Variants in SDF2 observed in about 807,000 individuals in gnomAD.
SDF2 encodes stromal cell-derived factor 2.
In SDF2, 12 loss-of-function variants were observed where a neutral mutation model predicts 20.5. That is an observed-to-expected ratio of 0.58 (90% confidence interval 0.37 to 0.95). SDF2 has a LOEUF of 0.95. Ranked by LOEUF, SDF2 falls within the 40% of genes least tolerant of loss-of-function variation. The probability of loss-of-function intolerance (pLI) is 0.01; values close to 1 mark genes in which losing one functional copy is unlikely to be tolerated. For missense variants in SDF2, 238 were observed against 263.1 expected (o/e 0.90, Z 0.66); for synonymous variants, 100 against 101.0 (o/e 0.99, Z 0.06).
rs930469179 is a variant in SDF2 at position 28,648,418 on chromosome 17, A to G, written c.*571T>C. On this transcript the variant is annotated 3_prime_UTR_variant, in exon 3 of 3. Coordinates refer to ENST00000247020, the MANE Select transcript of SDF2 (RefSeq NM_006923.4). The stretch of plus-strand genomic sequence containing the variant: ...GCTATAATTAGTCAAAGATCTATTA[A>G]AGATGAGATGCCTGGAGAGAAGTCA... 6.5e-6 allele frequency: 1 copy of G among 153,774 alleles called. No individual in the cohort carries two copies. Among genetic ancestry groups the G allele is most frequent in the African/African-American group, 2.4e-5 (1 of 41,454 alleles). 9.5% of individuals were successfully genotyped at this position (153,774 alleles called of 1,614,324 possible). A position where few individuals can be genotyped will look rare whatever the true frequency, so the allele number is the denominator to read the frequency against.
intron 2 of SDF2, among the ~76,000 whole-genome samples, 175 bp downstream of exon 2, chr17:28,655,112 G>C (rs1056410457): frequency 6.6e-6 from 1 of 152,246 alleles, no homozygotes; most frequent in Non-Finnish European, 1.5e-5. Context: ...CTGGGTGACA[G>C]AGTGAGACTG....
chr17:28,651,011 T>C (rs2071910631), intron 2 of SDF2, among the ~76,000 whole-genome samples: 1 of 151,814 alleles, frequency 6.6e-6, no homozygotes, highest in South Asian at 2.1e-4. Flanking sequence ...CTTAAACGAT[T>C]CTCCCCACTT....
At chr17:28,654,996 G>A (rs990265886) in intron 2 of SDF2, among the ~76,000 whole-genome samples, 1 of 151,952 alleles carries the variant, frequency 6.6e-6, no homozygotes, top group Non-Finnish European at 1.5e-5. Context: ...CAGGCATGGT[G>A]GCATGCGCCT....
intron 1 of SDF2, chr17:28,661,295 T>C: frequency 2.3e-5 from 9 of 386,010 alleles, no homozygotes; most frequent in South Asian, 1.7e-4. Context: ...TTACTGTAAC[T>C]TTAAAATTTC....
Position 28,648,918 on chromosome 17 carries a change from G to T in SDF2, c.*71C>A. The stretch of plus-strand genomic sequence containing the variant: ...CCACTGCCCAAGGAACTTGTGGCAG[G>T]GATCCCAAGGTGAGGCAGCAACAGA... On this transcript the variant is annotated 3_prime_UTR_variant, in exon 3 of 3. Transcript: ENST00000247020. The T allele has an allele frequency of 1.3e-6, 2 of 1,506,182 alleles. No homozygotes were observed. Among genetic ancestry groups the T allele is most frequent in the Non-Finnish European group, 1.8e-6 (2 of 1,097,716 alleles). The allele number at this position is 1,506,182 out of a possible 1,614,324, so 93.3% of individuals were successfully genotyped here.
chr17:28,648,750 G>A lies in SDF2; in HGVS notation c.*239C>T. 1.8e-6 allele frequency: 1 copy of A among 567,878 alleles called. No homozygotes were observed. Among genetic ancestry groups the A allele is most frequent in the Non-Finnish European group, 3.1e-6 (1 of 317,990 alleles). The allele number at this position is 567,878 out of a possible 1,614,324, so 35.2% of individuals were successfully genotyped here. The stretch of plus-strand genomic sequence containing the variant: ...TTATCAGTACTAATAAAAAGCATCT[G>A]CCCCTTTACCAGCAAGTCCTCTACT... On this transcript the variant is annotated 3_prime_UTR_variant, in exon 3 of 3. Coordinates refer to ENST00000247020, the MANE Select transcript of SDF2 (RefSeq NM_006923.4).
chr17:28,661,607 GAA>G, intron 1 of SDF2, 117 bp downstream of exon 1: 1 of 1,086,068 alleles, frequency 9.2e-7, no homozygotes, highest in African/African-American at 1.6e-5. Context: ...TAGACCTGAG[GAA>G]CCTTCCCAGG....
chr17:28,661,916 T>A, upstream of SDF2: 1 of 1,582,272 alleles, frequency 6.3e-7, no homozygotes, highest in Non-Finnish European at 8.6e-7. Context: ...CGAAGAAAAC[T>A]CGGCCCCTCC....
intron 2 of SDF2, among the ~76,000 whole-genome samples, chr17:28,653,235 G>A (rs2071929489): frequency 6.6e-6 from 1 of 152,168 alleles, no homozygotes; most frequent in South Asian, 2.1e-4. Context: ...CACATCAACA[G>A]TCATAAATCA....
intron 2 of SDF2, among the ~76,000 whole-genome samples, chr17:28,650,013 C>T (rs1379519070): frequency 3.3e-5 from 5 of 151,834 alleles, no homozygotes; most frequent in Admixed American, 2.6e-4. Flanking sequence ...AGTGCAATGG[C>T]GCAATCTCGG....
At chr17:28,659,171 G>T (rs1261365531) in intron 1 of SDF2, among the ~76,000 whole-genome samples, 2 of 134,058 alleles carry the variant, frequency 1.5e-5, no homozygotes, top group Non-Finnish European at 3.2e-5. Context: ...CCCAGACAGG[G>T]TGGCGGCCGG....
intron 2 of SDF2, among the ~76,000 whole-genome samples, chr17:28,652,852 G>C (rs1416909400): frequency 1.3e-5 from 2 of 152,092 alleles, no homozygotes; most frequent in Non-Finnish European, 2.9e-5. Flanking sequence ...AAACACAATG[G>C]GATACTGCCA....
At chr17:28,661,960 A>T, upstream of SDF2, 1 of 1,496,032 alleles carries the variant, frequency 6.7e-7, no homozygotes, top group Middle Eastern at 1.8e-4. Context: ...AACCACGGAG[A>T]GAAGGAAGTG....
intron 2 of SDF2, among the ~76,000 whole-genome samples, chr17:28,652,310 A>AT (rs1314411261): frequency 1.3e-5 from 2 of 151,974 alleles, no homozygotes; most frequent in African/African-American, 4.8e-5. Flanking sequence ...ACAATTCTTT[A>AT]TTTTTTTAAT....
At chr17:28,655,742 C>T (rs2071956251) in intron 1 of SDF2, 1 of 538,712 alleles carries the variant, frequency 1.9e-6, no homozygotes, top group Non-Finnish European at 3.3e-6. Flanking sequence ...TCTTTGCGTG[C>T]TTGCATCCAA....
intron 1 of SDF2, among the ~76,000 whole-genome samples, chr17:28,658,260 T>G (rs1276099278): frequency 2.6e-5 from 4 of 152,066 alleles, no homozygotes. Flanking sequence ...TAGTTTTTTT[T>G]TTTTTTTTTA....
At chr17:28,651,101 C>T (rs2071911289) in intron 2 of SDF2, among the ~76,000 whole-genome samples, 3 of 147,550 alleles carry the variant, frequency 2.0e-5, no homozygotes, top group Non-Finnish European at 4.5e-5. Flanking sequence ...GACAGCATCT[C>T]GCTCTGTCGC....
chr17:28,658,258 T>G (rs1277985529), intron 1 of SDF2, among the ~76,000 whole-genome samples: 3 of 152,180 alleles, frequency 2.0e-5, no homozygotes, highest in Non-Finnish European at 4.4e-5. Flanking sequence ...TGTAGTTTTT[T>G]TTTTTTTTTT....
chr17:28,656,041 C>T (rs931611002), intron 1 of SDF2: 1 of 153,190 alleles, frequency 6.5e-6, no homozygotes, highest in African/African-American at 2.4e-5. Context: ...AGCTCAGCCT[C>T]ACCCTTCTTG....
Sources: allele counts gnomAD v4.1 joint callset (sites outside exome capture counted in the v4.1 genomes callset), GRCh38; gene constraint gnomAD v4.1.1; transcripts MANE v1.5; gene names NCBI Gene and HGNC (gene_info 2026-07-23, HGNC 2026-07-21).